CARMIL1: variants seen among roughly 807,000 people sequenced by gnomAD.
CARMIL1 encodes the protein F-actin-uncapping protein LRRC16A.
Under a neutral mutation model 177.1 loss-of-function variants are expected in CARMIL1, and 90 were observed. That is an observed-to-expected ratio of 0.51 (90% CI 0.43 to 0.61). The LOEUF is 0.61. Among genes scored for constraint, CARMIL1 ranks in the 20% least tolerant of loss-of-function variants. The probability of loss-of-function intolerance (pLI) is 0.00; values close to 1 mark genes in which losing one functional copy is unlikely to be tolerated. For missense variants in CARMIL1, 1,380 were observed against 1,667.0 expected (o/e 0.83, Z 3.00); for synonymous variants, 577 against 606.2 (o/e 0.95, Z 0.71).
intron 2 of CARMIL1, among the ~76,000 whole-genome samples, chr6:25,320,624 C>T (rs1033302462): frequency 6.6e-6 from 1 of 152,150 alleles, no homozygotes; most frequent in Non-Finnish European, 1.5e-5. Context: ...AAGCAGTGAC[C>T]TCTTCCTGCA....
intron 2 of CARMIL1, among the ~76,000 whole-genome samples, chr6:25,364,900 A>G (rs143445009): frequency 1.8e-4 from 27 of 152,206 alleles, no homozygotes; most frequent in Admixed American, 5.2e-4. Flanking sequence ...GCCCAAAGCT[A>G]TATTATTAGT....
intron 24 of CARMIL1, among the ~76,000 whole-genome samples, chr6:25,530,575 A>G (rs916462070): frequency 6.6e-6 from 1 of 152,200 alleles, no homozygotes; most frequent in East Asian, 1.9e-4. Flanking sequence ...AGTAGACGTA[A>G]ACGAGGTAAT....
At chr6:25,379,492 T>C (rs1296485170) in intron 2 of CARMIL1, among the ~76,000 whole-genome samples, 2 of 152,210 alleles carry the variant, frequency 1.3e-5, no homozygotes, top group East Asian at 1.9e-4. Context: ...TTGGGTTTGG[T>C]AGGAAAAAAC....
chr6:25,378,360 C>T (rs1202375065), intron 2 of CARMIL1, among the ~76,000 whole-genome samples: 5 of 152,206 alleles, frequency 3.3e-5, no homozygotes, highest in African/African-American at 1.2e-4. Context: ...CCCTACACAG[C>T]AGGGGCACCC....
chr6:25,557,296 G>A (rs967734301), intron 29 of CARMIL1, among the ~76,000 whole-genome samples: 2 of 152,006 alleles, frequency 1.3e-5, no homozygotes, highest in Non-Finnish European at 2.9e-5. Context: ...ATTCTGTTTC[G>A]TTAACCTGAT....
chr6:25,366,789 ATGGT>A (rs1442559320), intron 2 of CARMIL1, among the ~76,000 whole-genome samples: 3 of 152,144 alleles, frequency 2.0e-5, no homozygotes, highest in Non-Finnish European at 2.9e-5. Context: ...TCATTTAAAA[ATGGT>A]TGTGTCAGTT....
chr6:25,504,930 C>T (rs938686524), intron 17 of CARMIL1, among the ~76,000 whole-genome samples: 2 of 152,112 alleles, frequency 1.3e-5, no homozygotes, highest in African/African-American at 4.8e-5. Context: ...TCAGGGCCAG[C>T]GTCTGGTACA....
chr6:25,526,338 G>A (rs1301478657), intron 23 of CARMIL1, among the ~76,000 whole-genome samples: 4 of 150,658 alleles, frequency 2.7e-5, no homozygotes, highest in African/African-American at 7.3e-5. Context: ...ACAAGACTCC[G>A]TCTCAAAAAA....
At chr6:25,281,136 G>GCGCGCGCACACACACA (rs10642536) in intron 1 of CARMIL1, among the ~76,000 whole-genome samples, 100 of 132,184 alleles carry the variant, frequency 7.6e-4, no homozygotes, top group African/African-American at 2.5e-3. Flanking sequence ...GTGCGCGCGC[G>GCGCGCGCACACACACA]CACACACACA....
chr6:25,543,467 CCT>C (rs1809114340), intron 26 of CARMIL1, among the ~76,000 whole-genome samples: 1 of 152,208 alleles, frequency 6.6e-6, no homozygotes, highest in East Asian at 1.9e-4. Context: ...ACAACACTCC[CCT>C]GTTTTCCCTC....
Position 25,284,897 on chromosome 6 carries a change from A to G in CARMIL1, c.126A>G (p.Glu42=), listed in dbSNP as rs750485660. The change falls in exon 2 of 37, where the codon GAA becomes GAG. Residue 42 remains glutamate, a synonymous_variant. Transcript: ENST00000329474. ...VKLEVKGDKV[E]NKVLVLTSCR... ...TGGAAGTTAAGGGAGACAAAGTTGA[A>G]AACAAAGTGCTGGTAAGTATTGCTG... is the stretch of plus-strand genomic sequence containing the variant. 1.3e-6 allele frequency: 2 copies of G among 1,557,652 alleles called. No individual in the cohort carries two copies. Among genetic ancestry groups the G allele is most frequent in the Non-Finnish European group, 1.7e-6 (2 of 1,146,114 alleles).
intron 2 of CARMIL1, among the ~76,000 whole-genome samples, chr6:25,348,257 C>T (rs948555465): frequency 3.9e-5 from 6 of 151,974 alleles, no homozygotes; most frequent in East Asian, 2.0e-4. Flanking sequence ...CTCAGTCTCC[C>T]GAGTAGCTGG....
chr6:25,493,331 A>G (rs1353415792), intron 15 of CARMIL1, among the ~76,000 whole-genome samples: 2 of 152,180 alleles, frequency 1.3e-5, no homozygotes, highest in Non-Finnish European at 2.9e-5. Context: ...GCCCTTAGTA[A>G]TTTTGTTGAA....
At chr6:25,362,401 G>C (rs1366269644) in intron 2 of CARMIL1, among the ~76,000 whole-genome samples, 1 of 152,158 alleles carries the variant, frequency 6.6e-6, no homozygotes. Context: ...CGGGCCGGGC[G>C]TGGTGGCTCA....
chr6:25,437,672 C>G (rs1325371332), intron 5 of CARMIL1, among the ~76,000 whole-genome samples: 2 of 152,192 alleles, frequency 1.3e-5, no homozygotes, highest in East Asian at 3.9e-4. Context: ...CACTTTCCCC[C>G]CTAAAAATTG....
At chr6:25,365,364 C>G (rs1169094681) in intron 2 of CARMIL1, among the ~76,000 whole-genome samples, 1 of 152,188 alleles carries the variant, frequency 6.6e-6, no homozygotes, top group Non-Finnish European at 1.5e-5. Flanking sequence ...GCTCTGGTTG[C>G]TCTGGTGCTA....
intron 29 of CARMIL1, among the ~76,000 whole-genome samples, chr6:25,579,231 C>T (rs916473038): frequency 5.5e-5 from 8 of 146,052 alleles, no homozygotes; most frequent in African/African-American, 2.0e-4. Context: ...TATGAATACA[C>T]TTCCTGTAAA....
intron 2 of CARMIL1, among the ~76,000 whole-genome samples, chr6:25,358,405 T>C (rs1355182090): frequency 6.6e-6 from 1 of 152,028 alleles, no homozygotes; most frequent in Non-Finnish European, 1.5e-5. Context: ...AGAAAAGAAG[T>C]GGGAATATAC....
intron 26 of CARMIL1, among the ~76,000 whole-genome samples, chr6:25,543,881 G>T (rs1809158088): frequency 6.6e-6 from 1 of 152,132 alleles, no homozygotes; most frequent in African/African-American, 2.4e-5. Flanking sequence ...GAGCATAGCT[G>T]CCATGTTAAG....
Sources: allele counts gnomAD v4.1 joint callset (sites outside exome capture counted in the v4.1 genomes callset), GRCh38; gene constraint gnomAD v4.1.1; transcripts MANE v1.5; gene names NCBI Gene and HGNC (gene_info 2026-07-23, HGNC 2026-07-21).